FBN2: variants seen among roughly 807,000 people sequenced by gnomAD.
FBN2 encodes fibrillin 2.
FBN2 carries 105 observed loss-of-function variants against 355.6 expected under a neutral mutation model. The observed-to-expected ratio is 0.30, with a 90% CI of 0.25 to 0.35. The LOEUF is 0.35. Among genes scored for constraint, FBN2 ranks in the 10% least tolerant of loss-of-function variants. FBN2 has a pLI of 1.00. For missense variants in FBN2, 3,280 were observed against 3,758.7 expected, an observed-to-expected ratio of 0.87 and a Z score of 3.33; for synonymous variants, 1,350 against 1,301.2, an observed-to-expected ratio of 1.04 and a Z score of -0.81.
chr5:128,411,578 G>C (rs1753064120), intron 7 of FBN2, among the ~76,000 whole-genome samples: 1 of 152,206 alleles, frequency 6.6e-6, no homozygotes, highest in African/African-American at 2.4e-5. Context: ...TCGACATTCA[G>C]ATGCTTCTTC....
rs1431856113 is a variant in FBN2 at position 128,307,165 on chromosome 5, T to C, written c.5392A>G (p.Thr1798Ala). Residue 1798 changes from threonine to alanine, a missense_variant, in exon 42 of 65, where the codon ACC becomes GCC. Transcript: ENST00000262464. ...GCTTTTCCTGTGTGAATGTCAAAGG[T>C]GAATCCAGGAATATTTCCACATATG... The part of the protein sequence containing the change: ...KTICGNIPGF[T>A]FDIHTGKAVD... 1.9e-6 allele frequency: 3 copies of C among 1,611,404 alleles called. No homozygotes were observed. The highest frequency in any genetic ancestry group is 2.5e-6 in the Non-Finnish European group (3 of 1,177,896).
intron 4 of FBN2, among the ~76,000 whole-genome samples, chr5:128,526,601 G>A (rs1161116670): frequency 6.6e-6 from 1 of 152,068 alleles, no homozygotes; most frequent in Non-Finnish European, 1.5e-5. Context: ...GAACCTTGAG[G>A]GCACTATGCT....
chr5:128,412,385 C>G (rs564671499), intron 7 of FBN2, among the ~76,000 whole-genome samples: 3 of 152,170 alleles, frequency 2.0e-5, no homozygotes, highest in African/African-American at 7.2e-5. Flanking sequence ...GTGCTCTCTC[C>G]TGAGAGGAAG....
chr5:128,535,034 G>C (rs994518565), intron 2 of FBN2, among the ~76,000 whole-genome samples: 1 of 152,226 alleles, frequency 6.6e-6, no homozygotes, highest in Non-Finnish European at 1.5e-5. Flanking sequence ...GCCTGAAAGA[G>C]TAAACCCACC....
chr5:128,459,225 C>T (rs1182117586), intron 6 of FBN2, among the ~76,000 whole-genome samples: 4 of 152,252 alleles, frequency 2.6e-5, no homozygotes, highest in South Asian at 2.1e-4. Context: ...TTCCTGGACA[C>T]ATACACCCTA....
At chr5:128,351,896 A>T (rs1293866027) in intron 20 of FBN2, among the ~76,000 whole-genome samples, 1 of 151,812 alleles carries the variant, frequency 6.6e-6, no homozygotes. Context: ...AACATACTAT[A>T]ACAACATGAT....
intron 8 of FBN2, among the ~76,000 whole-genome samples, chr5:128,408,426 C>T (rs1257359651): frequency 6.6e-6 from 1 of 152,110 alleles, no homozygotes; most frequent in Non-Finnish European, 1.5e-5. Flanking sequence ...TTTTCTCGTG[C>T]CTTTGTGTCT....
intron 4 of FBN2, among the ~76,000 whole-genome samples, chr5:128,527,356 C>T (rs1193788280): frequency 6.6e-6 from 1 of 152,042 alleles, no homozygotes; most frequent in South Asian, 2.1e-4. Context: ...ATAACATCTG[C>T]TTTTTAAAAA....
intron 53 of FBN2, among the ~76,000 whole-genome samples, chr5:128,287,701 G>A (rs899388071): frequency 2.0e-5 from 3 of 152,052 alleles, no homozygotes; most frequent in Non-Finnish European, 4.4e-5. Flanking sequence ...ACATTGATTT[G>A]GCTTCTATTT....
chr5:128,318,961 T>G lies in FBN2; in HGVS notation c.4512A>C (p.Gly1504=), dbSNP rs748631987. 6 of 1,611,824 alleles carry G rather than the reference T, an allele frequency of 3.7e-6. No homozygotes were observed. Among genetic ancestry groups the G allele is most frequent in the Non-Finnish European group, 5.1e-6 (6 of 1,178,018 alleles). ...ECSFQNICVF[G]TCNNLPGMFH... Reference sequence around the variant, plus strand: ...ACATTCCAGGCAGGTTATTACATGTTCCAAAGACACAAATGTTTTGGAAGG... The same window carrying G: ...ACATTCCAGGCAGGTTATTACATGTGCCAAAGACACAAATGTTTTGGAAGG... Residue 1504 remains glycine, a synonymous_variant, in exon 35 of 65, where the codon GGA becomes GGC. Coordinates refer to ENST00000262464, the MANE Select transcript of FBN2 (RefSeq NM_001999.4).
chr5:128,391,327 T>C (rs1220227440), intron 11 of FBN2, among the ~76,000 whole-genome samples: 2 of 152,094 alleles, frequency 1.3e-5, no homozygotes, highest in Non-Finnish European at 1.5e-5. Context: ...AAACCTTAAA[T>C]AGAGAAGCAG....
At chr5:128,381,393 C>T (rs1354848206) in intron 11 of FBN2, among the ~76,000 whole-genome samples, 1 of 152,034 alleles carries the variant, frequency 6.6e-6, no homozygotes, top group African/African-American at 2.4e-5. Flanking sequence ...CATTAGGTAT[C>T]TCATAAAAGT....
At chr5:128,297,375 C>A (rs966475193) in intron 48 of FBN2, among the ~76,000 whole-genome samples, 4 of 152,112 alleles carry the variant, frequency 2.6e-5, no homozygotes, top group African/African-American at 9.7e-5. Context: ...GAGCTGAGTT[C>A]AATTCCTGGG....
intron 20 of FBN2, among the ~76,000 whole-genome samples, chr5:128,354,427 G>A (rs140970344): frequency 6.6e-6 from 1 of 152,290 alleles, no homozygotes; most frequent in Non-Finnish European, 1.5e-5. Flanking sequence ...TGAATGAAAT[G>A]AGAAGCCTAG....
chr5:128,488,962 C>T (rs1004694941), intron 5 of FBN2, among the ~76,000 whole-genome samples: 5 of 152,126 alleles, frequency 3.3e-5, no homozygotes, highest in African/African-American at 7.2e-5. Flanking sequence ...AATAAACAAA[C>T]GTGCACGTGT....
rs749765413 is a variant in FBN2, at chr5:128,376,749, T to C, written c.1954A>G (p.Asn652Asp). ...ICKPGFVLAPNGRYCTDVDEC... is the reference protein window; with the variant it reads ...ICKPGFVLAPDGRYCTDVDEC... ...CACATACCAGTACAGTAACGCCCAT[T>C]TGGAGCCAAGACAAATCCTGGTTTG... The change falls in exon 14 of 65, where the codon AAT becomes GAT. Residue 652 changes from asparagine (N) to aspartate (D), a missense_variant. Physicochemically the swap from Asn to Asp is conservative, Grantham distance 23. This residue lies in a region of FBN2 where 2,284 missense variants were observed against 2,749.5 expected (regional missense o/e 0.83). Coordinates refer to ENST00000262464, the MANE Select transcript of FBN2 (RefSeq NM_001999.4). 9 of 1,613,628 alleles carry C rather than the reference T, an allele frequency of 5.6e-6. No individual in the cohort carries two copies. Among genetic ancestry groups the C allele is most frequent in the Middle Eastern group, 1.6e-4 (1 of 6,080 alleles).
At chr5:128,428,119 T>C (rs781224018) in intron 7 of FBN2, among the ~76,000 whole-genome samples, 39 of 152,254 alleles carry the variant, frequency 2.6e-4, no homozygotes, top group Non-Finnish European at 4.6e-4. Context: ...TCATCACTTT[T>C]ACCACAAAAA....
At chr5:128,442,602 A>G (rs1384089643) in intron 7 of FBN2, among the ~76,000 whole-genome samples, 1 of 152,206 alleles carries the variant, frequency 6.6e-6, no homozygotes, top group African/African-American at 2.4e-5. Flanking sequence ...GCTGTATTAC[A>G]GAATTAGGAA....
intron 5 of FBN2, among the ~76,000 whole-genome samples, 158 bp from the exon 6 acceptor site, chr5:128,465,079 T>C (rs1369285557): frequency 1.3e-5 from 2 of 152,350 alleles, no homozygotes; most frequent in African/African-American, 4.8e-5. Context: ...TAATTTTCCA[T>C]TCATGAGAAG....
Sources: allele counts gnomAD v4.1 joint callset (sites outside exome capture counted in the v4.1 genomes callset), GRCh38; gene constraint gnomAD v4.1.1; regional missense constraint gnomAD v4.1.1; transcripts MANE v1.5; gene names NCBI Gene and HGNC (gene_info 2026-07-23, HGNC 2026-07-21).